Variants in PKD1 observed in about 807,000 individuals in gnomAD.
PKD1 encodes the protein polycystin 1, transient receptor potential channel interacting, also known as polycystin-1.
A neutral mutation model predicts 361.7 loss-of-function variants in PKD1; 81 were observed. The observed-to-expected ratio is 0.22, with a 90% CI of 0.19 to 0.27. The LOEUF (loss-of-function observed/expected upper bound fraction) is 0.27, where lower values mean the gene tolerates loss of function less well. Ranked by LOEUF, PKD1 falls within the 10% of genes least tolerant of loss-of-function variation. PKD1 has a pLI of 1.00. For missense variants in PKD1, 6,399 were observed against 6,118.3 expected (o/e 1.05, Z -1.53); for synonymous variants, 3,615 against 2,818.3 (o/e 1.28, Z -8.95).
intron 1 of PKD1, among the ~76,000 whole-genome samples, chr16:2,126,491 GC>G (rs1331193276): frequency 2.0e-5 from 3 of 152,268 alleles, no homozygotes. Context: ...GGGCACCCTG[GC>G]CCCTAGGCAA....
Position 2,099,973 on chromosome 16 carries a change from G to A in PKD1, c.9811C>T (p.Pro3271Ser). Reference protein sequence around the residue: ...HIWLSIWDRPPRSRFTRIQRA... With the variant: ...HIWLSIWDRPSRSRFTRIQRA... ...TGGATGCGAGTGAAACGGCTACGAG[G>A]CGGCCGGTCCCATATGGAGAGCCAG... Residue 3271 changes from proline (P) to serine (S), a missense_variant, in exon 29 of 46, where the codon CCT becomes TCT. Pro to Ser is a moderately conservative substitution (Grantham distance 74). Transcript: ENST00000262304. The A allele has an allele frequency of 6.4e-7, 1 of 1,563,524 alleles. No individual in the cohort carries two copies. Among genetic ancestry groups the A allele is most frequent in the South Asian group, 1.2e-5 (1 of 85,684 alleles).
intron 24 of PKD1, 48 bp from the exon 25 acceptor site, chr16:2,102,681 G>C: frequency 6.2e-7 from 1 of 1,610,170 alleles, no homozygotes; most frequent in East Asian, 2.2e-5. Flanking sequence ...CCGCCAGGTT[G>C]GATGTCGCAG....
rs763383736 is a variant in PKD1 at position 2,108,039 on chromosome 16, G to A, written c.6916-7C>T. ...CACACCCGCCAGCCTCCCTCTGCAG[G>A]CCGAGAACAAGGGGCGACGTGGCCT... On this transcript the variant is annotated splice_polypyrimidine_tract_variant and splice_region_variant and intron_variant, in intron 15 of 45. Transcript: ENST00000262304. 2.6e-6 allele frequency: 4 copies of A among 1,561,362 alleles called. No homozygotes were observed. The highest frequency in any genetic ancestry group is 3.5e-6 in the Non-Finnish European group (4 of 1,154,936).
chr16:2,093,461 G>T, intron 37 of PKD1, 83 bp downstream of exon 37: 2 of 1,299,180 alleles, frequency 1.5e-6, no homozygotes, highest in Non-Finnish European at 1.1e-6. Context: ...AGGAAAGGGG[G>T]ACAGGAGTGT....
In PKD1 at chr16:2,100,201, T is replaced by C; in HGVS notation, c.9677A>G (p.Asn3226Ser). The change falls in exon 28 of 46, where the codon AAC becomes AGC. Residue 3226 changes from asparagine (N) to serine (S), a missense_variant. Physicochemically the swap from Asn to Ser is conservative, Grantham distance 46. Coordinates refer to ENST00000262304, the MANE Select transcript of PKD1 (RefSeq NM_001009944.3). The surrounding 1 kb of genome is among the most constrained non-coding windows in gnomAD (Gnocchi z 4.4). ...NDWLSVETEA[N>S]GGLVEKEVLA... ...CACCTCCTTCTCCACCAGGCCCCCG[T>C]TGGCCTCCGTCTCCACCGAAAGCCA... 6.2e-7 allele frequency: 1 copy of C among 1,609,622 alleles called. No homozygotes were observed. Among genetic ancestry groups the C allele is most frequent in the Non-Finnish European group, 8.5e-7 (1 of 1,178,932 alleles).
In PKD1 at chr16:2,108,848, C is replaced by T. The variant is rs1026516845; in HGVS notation, c.6319G>A (p.Glu2107Lys). 3.2e-6 allele frequency: 5 copies of T among 1,573,376 alleles called. No homozygotes were observed. Among genetic ancestry groups the T allele is most frequent in the Non-Finnish European group, 4.3e-6 (5 of 1,160,640 alleles). Residue 2107 changes from glutamate to lysine, a missense_variant, in exon 15 of 46, where the codon GAG (glutamate) becomes AAG (lysine). Glu to Lys is a moderately conservative substitution (Grantham distance 56). Transcript: ENST00000262304. ...AGGTAGGAGTGCTCGGCCCTGGGCT[C>T]ATCTGTGTCCTGCCCTGGCGACCCA... ...GDGSPGQDTD[E>K]PRAEHSYLRP... is the part of the protein sequence containing the mutation.
At chr16:2,094,557 C>T (rs2091763316) in intron 34 of PKD1, among the ~76,000 whole-genome samples, 3 of 152,230 alleles carry the variant, frequency 2.0e-5, no homozygotes, top group Non-Finnish European at 1.5e-5. Context: ...GATTGGGTCT[C>T]AACCATCCAA....
At chr16:2,094,252 G>C in intron 34 of PKD1, 42 bp from the exon 35 acceptor site, 1 of 1,279,550 alleles carries the variant, frequency 7.8e-7, no homozygotes. Flanking sequence ...CGGCCTCCAG[G>C]AGGCAGTTGC....
At position 2,099,968 on chromosome 16, in the gene PKD1, A is replaced by G. The variant is rs746238133; in HGVS notation, c.9816T>C (p.Arg3272=). Residue 3272 remains arginine (R), a synonymous_variant, in exon 29 of 46, where the codon CGT becomes CGC. Transcript: ENST00000262304. ...CCCTCTGGATGCGAGTGAAACGGCTACGAGGCGGCCGGTCCCATATGGAGA... is the reference window on the plus strand; with the variant it reads ...CCCTCTGGATGCGAGTGAAACGGCTGCGAGGCGGCCGGTCCCATATGGAGA... ...IWLSIWDRPP[R]SRFTRIQRAT... 3.2e-6 allele frequency: 5 copies of G among 1,563,614 alleles called. No homozygotes were observed. Among genetic ancestry groups the G allele is most frequent in the Non-Finnish European group, 4.3e-6 (5 of 1,155,580 alleles).
Position 2,118,056 on chromosome 16 carries a change from G to T in PKD1, c.936C>A (p.Ala312=). ...CAGCCGGCCCAGCGGCATCCACCTC[G>T]GCGGAGCCGTCTCCGAAGTCCCAGC... is the stretch of plus-strand genomic sequence containing the variant. The part of the protein sequence containing the change: ...ATRWDFGDGS[A]EVDAAGPAAS... The change falls in exon 5 of 46, where the codon GCC becomes GCA. Residue 312 remains alanine (A), a synonymous_variant. Transcript: ENST00000262304. This position sits in a 1 kb window ranked among gnomAD's most constrained non-coding sequence, Gnocchi z 6.0. The T allele has an allele frequency of 6.2e-7, 1 of 1,604,998 alleles. No individual in the cohort carries two copies. The highest frequency in any genetic ancestry group is 8.5e-7 in the Non-Finnish European group (1 of 1,179,344).
rs763554433 is a variant in PKD1 at position 2,092,566 on chromosome 16, G to A, written c.11183C>T (p.Ala3728Val). The change falls in exon 39 of 46, where the codon GCC (alanine) becomes GTC (valine). Residue 3728 changes from alanine (A) to valine (V), a missense_variant. Transcript: ENST00000262304. ...GTGGACGTAGGGCAGCAGCACGTGGGCCATCCATGGCCAGAGCTCCTCAGA... is the reference window on the plus strand; with the variant it reads ...GTGGACGTAGGGCAGCAGCACGTGGACCATCCATGGCCAGAGCTCCTCAGA... The part of the protein sequence containing the change: ...TRSEELWPWM[A>V]HVLLPYVHGN... 8.7e-6 allele frequency: 14 copies of A among 1,611,622 alleles called. No individual in the cohort carries two copies. Among genetic ancestry groups the A allele is most frequent in the Non-Finnish European group, 1.0e-5 (12 of 1,179,288 alleles).
rs533059802 is a variant in PKD1 at position 2,090,874 on chromosome 16, C to T, written c.12003+10G>A. 1 of 1,605,610 alleles carries T rather than the reference C, an allele frequency of 6.2e-7. No individual in the cohort carries two copies. Among genetic ancestry groups the T allele is most frequent in the African/African-American group, 1.3e-5 (1 of 75,048 alleles). On this transcript the variant is annotated intron_variant, in intron 43 of 45. Transcript: ENST00000262304. ...GCGCCCAGCCCCGCGCCCACCGGCC[C>T]AGCCCTCACCTTGACCAAAAGCAGG... is the stretch of plus-strand genomic sequence containing the variant.
At position 2,112,943 on chromosome 16, in the gene PKD1, C is replaced by G. The variant is rs143013095; in HGVS notation, c.3006G>C (p.Val1002=). The G allele has an allele frequency of 9.5e-4, 1,516 of 1,601,998 alleles. 4 individuals are homozygous for G. Among genetic ancestry groups the G allele is most frequent in the Non-Finnish European group, 9.6e-4 (1,129 of 1,179,730 alleles). The change falls in exon 13 of 46, where the codon GTG becomes GTC. Residue 1002 remains valine, a synonymous_variant. Coordinates refer to ENST00000262304, the MANE Select transcript of PKD1 (RefSeq NM_001009944.3). ...FKLSLTASNH[V]SNVTVNYNVT... ...CGTTGTAGTTCACGGTGACGTTGCT[C>G]ACGTGGTTGGAGGCCGTCAGCTGCA...
At position 2,103,767 on chromosome 16, in the gene PKD1, T is replaced by A. The variant is rs1263500195; in HGVS notation, c.8290A>T (p.Met2764Leu). The change falls in exon 23 of 46, where the codon ATG (methionine) becomes TTG (leucine). Residue 2764 changes from methionine to leucine, a missense_variant. Transcript: ENST00000262304. The stretch of plus-strand genomic sequence containing the variant: ...TCCTCGTTGAGCACGCGGGAGCGCA[T>A]GAGGATGCGCATGAGGGCAGAGGTC... ...NLTSALMRIL[M>L]RSRVLNEEPL... The A allele has an allele frequency of 3.7e-6, 6 of 1,608,268 alleles. No individual in the cohort carries two copies. In the African/African-American group the frequency reaches 5.4e-5, roughly 14 times the overall value.
Position 2,117,028 on chromosome 16 carries a change from A to G in PKD1, c.1411T>C (p.Ser471Pro). 1 of 1,585,058 alleles carries G rather than the reference A, an allele frequency of 6.3e-7. No homozygotes were observed. The highest frequency in any genetic ancestry group is 1.1e-5 in the South Asian group (1 of 90,412). The change falls in exon 7 of 46, where the codon TCG becomes CCG. Residue 471 changes from serine (S) to proline (P), a missense_variant. Ser to Pro is a moderately conservative substitution (Grantham distance 74). Transcript: ENST00000262304. ...TRSLDVWIGF[S>P]TVQGVEVGPA... ...CCCACCTCCACCCCCTGCACAGTCG[A>G]GAAGCCGATCCACACGTCTAGGCTC...
chr16:2,098,203 A>T, intron 30 of PKD1: 1 of 595,852 alleles, frequency 1.7e-6, no homozygotes, highest in Non-Finnish European at 3.0e-6. Context: ...TAAGGAACAG[A>T]GTTTTAAATT....
rs760315179 is a variant in PKD1 at position 2,106,547 on chromosome 16, G to A, written c.7340C>T (p.Thr2447Met). ...VLRDGEGYTF[T>M]LTVLGRSGEE... is the part of the protein sequence containing the mutation. ...GCCAGAGCGGCCCAGCACCGTGAGC[G>A]TGAAGGTGTATCCCTCGCCGTCCCG... is the stretch of plus-strand genomic sequence containing the variant. The change falls in exon 18 of 46, where the codon ACG (threonine) becomes ATG (methionine). Residue 2447 changes from threonine (T) to methionine (M), a missense_variant. Thr to Met is a moderately conservative substitution (Grantham distance 81). Transcript: ENST00000262304. This position sits in a 1 kb window ranked among gnomAD's most constrained non-coding sequence, Gnocchi z 6.5. 134 of 1,596,576 alleles carry A rather than the reference G, an allele frequency of 8.4e-5. No individual in the cohort carries two copies. Among genetic ancestry groups the A allele is most frequent in the Admixed American group, 3.3e-4 (20 of 59,904 alleles).
rs555623237 is a variant in PKD1, at chr16:2,108,130, T to G, written c.6916-98A>C. On this transcript the variant is annotated intron_variant, in intron 15 of 45. Coordinates refer to ENST00000262304, the MANE Select transcript of PKD1 (RefSeq NM_001009944.3). Reference sequence around the variant, plus strand: ...GACAGCGCGGGAGACCCCCTCCCCATGCTGGGACGGGGCCCACCAGGCACT... The same window carrying G: ...GACAGCGCGGGAGACCCCCTCCCCAGGCTGGGACGGGGCCCACCAGGCACT... 1,347 of 1,480,948 alleles carry G rather than the reference T, an allele frequency of 9.1e-4. 22 individuals carry two copies. The African/African-American group carries it at 0.017, about 19-fold the overall frequency. 91.7% of individuals were successfully genotyped at this position (1,480,948 alleles called of 1,614,324 possible). A position where few individuals can be genotyped will look rare whatever the true frequency, so the allele number is the denominator to read the frequency against.
rs2151709048 is a variant in PKD1 at position 2,093,952 on chromosome 16, C to T, written c.10680G>A (p.Gly3560=). The change falls in exon 36 of 46, where the codon GGG becomes GGA. Residue 3560 remains glycine (G), a synonymous_variant. Transcript: ENST00000262304. ...LPAWCASLAH[G]LSLLLVAVAV... ...CCACAGCCACCAGGAGCAGGCTGAG[C>T]CCGTGGGCCAGGGAGGCACACCAGG... 1 of 1,586,338 alleles carries T rather than the reference C, an allele frequency of 6.3e-7. No individual in the cohort carries two copies. Among genetic ancestry groups the T allele is most frequent in the Non-Finnish European group, 8.5e-7 (1 of 1,170,060 alleles).
Sources: gnomAD v4.1 joint callset for allele counts (sites outside exome capture counted in the v4.1 genomes callset) on GRCh38, gnomAD v4.1.1 for gene constraint, Gnocchi (gnomAD v3.1) non-coding constraint, MANE v1.5 for transcripts, NCBI Gene and HGNC (gene_info 2026-07-23, HGNC 2026-07-21) for gene names.